PPP2R2C: variants seen among roughly 807,000 people sequenced by gnomAD.
The protein encoded by PPP2R2C is protein phosphatase 2 regulatory subunit Bgamma.
PPP2R2C carries 10 observed loss-of-function variants against 45.3 expected under a neutral mutation model. That is an observed-to-expected ratio of 0.22 (90% confidence interval 0.14 to 0.37). The LOEUF (loss-of-function observed/expected upper bound fraction) is 0.37. Among genes scored for constraint, PPP2R2C ranks in the 10% least tolerant of loss-of-function variants. The pLI is 1.00. For synonymous variants in PPP2R2C, 257 were observed against 245.4 expected (o/e 1.05, Z -0.44); for missense variants, 308 against 619.7 (o/e 0.50, Z 5.34).
chr4:6,535,387 GAAA>G, intron 1 of PPP2R2C: 1 of 1,451,778 alleles, frequency 6.9e-7, no homozygotes, highest in Non-Finnish European at 9.2e-7. Flanking sequence ...TCTATAATCA[GAAA>G]AAAAAACTAA....
At chr4:6,398,452 G>C (rs1717200421) in intron 1 of PPP2R2C, among the ~76,000 whole-genome samples, 1 of 152,146 alleles carries the variant, frequency 6.6e-6, no homozygotes, top group African/African-American at 2.4e-5. Flanking sequence ...GATTTGGGCA[G>C]ACACTTCCCA....
At chr4:6,429,095 GCCATGTGTAGATACA>G (rs1401289874) in intron 1 of PPP2R2C, among the ~76,000 whole-genome samples, 16 of 1,520 alleles carry the variant, frequency 0.011, no homozygotes, top group Non-Finnish European at 0.02. Context: ...GTAGATACAT[GCCATGTGTAGATACA>G]TGGGCATGAC....
chr4:6,388,964 G>A (rs542729431), intron 1 of PPP2R2C, among the ~76,000 whole-genome samples: 4 of 151,894 alleles, frequency 2.6e-5, no homozygotes, highest in South Asian at 2.1e-4. Flanking sequence ...CCCCCAAGCC[G>A]GTGGCACTTG....
intron 2 of PPP2R2C, among the ~76,000 whole-genome samples, chr4:6,521,731 C>T (rs1724033682): frequency 6.6e-6 from 1 of 152,228 alleles, no homozygotes; most frequent in African/African-American, 2.4e-5. Flanking sequence ...CAGGGGGCCA[C>T]TCTCCCTTGC....
At chr4:6,452,811 C>T (rs566686465) in intron 1 of PPP2R2C, among the ~76,000 whole-genome samples, 45 of 152,324 alleles carry the variant, frequency 3.0e-4, no homozygotes, top group African/African-American at 1.1e-3. Context: ...GCAAAGTAGC[C>T]GACTGAGTTC....
intron 5 of PPP2R2C, among the ~76,000 whole-genome samples, chr4:6,363,630 C>T (rs1246975017): frequency 7.9e-5 from 12 of 152,028 alleles, no homozygotes; most frequent in African/African-American, 2.9e-4. Flanking sequence ...TGGCCAAATT[C>T]AAGCTGCCAA....
chr4:6,404,682 G>A lies in PPP2R2C; in HGVS notation c.71-23588C>T, dbSNP rs192425449. 1.4e-3 allele frequency among the ~76,000 whole-genome samples: 219 copies of A among 152,210 alleles called. 1 individual carries two copies. The highest frequency in any genetic ancestry group is 5.0e-3 in the African/African-American group (208 of 41,548). ...TGGGCCCAGGAAGCTGTAGTTAACA[G>A]ATTCCAAGGGGGGTTCTAAGGAGGC... On this transcript the variant is annotated intron_variant, in intron 1 of 8. Transcript: ENST00000382599.
chr4:6,442,130 C>T (rs1184476581), intron 1 of PPP2R2C, among the ~76,000 whole-genome samples: 1 of 152,190 alleles, frequency 6.6e-6, no homozygotes, highest in African/African-American at 2.4e-5. Flanking sequence ...CTTGGGTGGA[C>T]CCAGGATGAG....
chr4:6,332,645 C>A lies in PPP2R2C; in HGVS notation c.960+917G>T, dbSNP rs904824775. ...GGCTCTGAATCTGTCACCGCCCAGC[C>A]GAGAGACACCTCCCTCATCTCCCTA... On this transcript the variant is annotated intron_variant, in intron 7 of 8. Transcript: ENST00000382599. The surrounding 1 kb of genome is among the most constrained non-coding windows in gnomAD (Gnocchi z 4.9). 6.6e-6 allele frequency among the ~76,000 whole-genome samples: 1 copy of A among 152,196 alleles called. No homozygotes were observed. Among genetic ancestry groups the A allele is most frequent in the Non-Finnish European group, 1.5e-5 (1 of 68,040 alleles).
intron 5 of PPP2R2C, among the ~76,000 whole-genome samples, chr4:6,352,943 G>T (rs1402928734): frequency 6.6e-6 from 1 of 152,090 alleles, no homozygotes; most frequent in Non-Finnish European, 1.5e-5. Flanking sequence ...GACAGAAGAG[G>T]AGACACCAGA....
At chr4:6,488,815 T>C (rs1341777208) in intron 2 of PPP2R2C, among the ~76,000 whole-genome samples, 4 of 152,214 alleles carry the variant, frequency 2.6e-5, no homozygotes, top group African/African-American at 9.7e-5. Flanking sequence ...CTGAGTTGTC[T>C]ACCCAATTTC....
At chr4:6,549,864 G>A (rs961038966) in intron 1 of PPP2R2C, among the ~76,000 whole-genome samples, 3 of 152,180 alleles carry the variant, frequency 2.0e-5, no homozygotes, top group Non-Finnish European at 4.4e-5. Flanking sequence ...TGTAACGAAC[G>A]TTATTTCTCG....
At chr4:6,350,500 G>A (rs1346513587) in intron 5 of PPP2R2C, 18 of 985,458 alleles carry the variant, frequency 1.8e-5, no homozygotes, top group Non-Finnish European at 1.9e-5. Context: ...CAACAGAAGC[G>A]CCCAGGAACG....
chr4:6,560,395 G>C (rs1444440464), intron 1 of PPP2R2C, among the ~76,000 whole-genome samples: 1 of 152,240 alleles, frequency 6.6e-6, no homozygotes, highest in Non-Finnish European at 1.5e-5. Context: ...CCCTTGTTGA[G>C]AGGTGGTGGG....
At chr4:6,470,934 G>A (rs1721838837) in intron 1 of PPP2R2C, among the ~76,000 whole-genome samples, 2 of 151,480 alleles carry the variant, frequency 1.3e-5, no homozygotes, top group South Asian at 2.1e-4. Context: ...TCTGCCTCCC[G>A]GGCCAGGGCG....
chr4:6,452,554 G>A (rs1438669772), intron 1 of PPP2R2C, among the ~76,000 whole-genome samples: 1 of 152,228 alleles, frequency 6.6e-6, no homozygotes, highest in Non-Finnish European at 1.5e-5. Context: ...AGAGGGCTGT[G>A]CGCCCTGCAC....
At chr4:6,496,061 C>G (rs1449906961) in intron 2 of PPP2R2C, among the ~76,000 whole-genome samples, 1 of 152,198 alleles carries the variant, frequency 6.6e-6, no homozygotes, top group African/African-American at 2.4e-5. Context: ...CCTAACCCCC[C>G]TCTCTTTTCT....
At chr4:6,464,137 A>G (rs1316946772) in intron 1 of PPP2R2C, among the ~76,000 whole-genome samples, 1 of 152,198 alleles carries the variant, frequency 6.6e-6, no homozygotes. Context: ...ACACAACATC[A>G]GGTCTGGGGC....
Position 6,463,785 on chromosome 4 carries a change from C to T in PPP2R2C, c.70+8375G>A, listed in dbSNP as rs187869624. On this transcript the variant is annotated intron_variant, in intron 1 of 8. Transcript: ENST00000382599. ...CACCTGCCCTTCAGTCCCTGGACCA[C>T]GTGTCCAATTGTGGCCTCTGCCACT... Among the ~76,000 whole-genome samples, 108 of 152,354 alleles carry T rather than the reference C, an allele frequency of 7.1e-4. 1 individual carries two copies. Among genetic ancestry groups the T allele is most frequent in the African/African-American group, 2.3e-3 (95 of 41,580 alleles).
Sources: allele counts gnomAD v4.1 joint callset (sites outside exome capture counted in the v4.1 genomes callset), GRCh38; gene constraint gnomAD v4.1.1; non-coding constraint Gnocchi (gnomAD v3.1); transcripts MANE v1.5; gene names NCBI Gene and HGNC (gene_info 2026-07-23, HGNC 2026-07-21).